DLGAP2: variants seen among roughly 807,000 people sequenced by gnomAD.
DLGAP2 encodes the protein DLG associated protein 2, also known as disks large-associated protein 2.
Under a neutral mutation model 100.3 loss-of-function variants are expected in DLGAP2, and 26 were observed. That is an observed-to-expected ratio of 0.26 (90% CI 0.19 to 0.36). DLGAP2 has a LOEUF of 0.36. Ranked by LOEUF, DLGAP2 falls within the 10% of genes least tolerant of loss-of-function variation. DLGAP2 has a pLI of 1.00. For missense variants in DLGAP2, 1,858 were observed against 1,453.2 expected (o/e 1.28, Z -4.53); for synonymous variants, 886 against 630.1 (o/e 1.41, Z -6.08).
intron 3 of DLGAP2, among the ~76,000 whole-genome samples, chr8:1,317,655 T>A (rs1413311256): frequency 1.4e-5 from 2 of 140,102 alleles, no homozygotes; most frequent in African/African-American, 2.8e-5. Flanking sequence ...CGGCAGCGTT[T>A]AAAAATAGAG....
chr8:1,483,514 A>G (rs1799157740), intron 3 of DLGAP2, among the ~76,000 whole-genome samples: 1 of 139,704 alleles, frequency 7.2e-6, no homozygotes, highest in African/African-American at 3.1e-5. Context: ...AGGACAAGGG[A>G]AGGCTGAACT....
chr8:1,081,553 G>A (rs1803812123), intron 2 of DLGAP2, among the ~76,000 whole-genome samples: 1 of 152,148 alleles, frequency 6.6e-6, no homozygotes, highest in African/African-American at 2.4e-5. Flanking sequence ...GTTTCTCCAT[G>A]TTGGCCAGGC....
chr8:1,090,498 A>T (rs1563185870), intron 2 of DLGAP2, among the ~76,000 whole-genome samples: 1 of 152,232 alleles, frequency 6.6e-6, no homozygotes, highest in Non-Finnish European at 1.5e-5. Context: ...CAGCACAGGC[A>T]TGTGCACAGA....
At chr8:1,355,786 C>G (rs991581638) in intron 3 of DLGAP2, among the ~76,000 whole-genome samples, 2 of 152,150 alleles carry the variant, frequency 1.3e-5, no homozygotes, top group Non-Finnish European at 2.9e-5. Context: ...GGCTCCCTGT[C>G]TCCTCCCACA....
intron 6 of DLGAP2, among the ~76,000 whole-genome samples, chr8:1,614,124 C>T (rs369516862): frequency 1.2e-4 from 19 of 152,110 alleles, no homozygotes; most frequent in African/African-American, 4.3e-4. Flanking sequence ...ACTGAGCCCT[C>T]GTAGCCCAGG....
chr8:1,111,919 C>T (rs1190465238), intron 2 of DLGAP2, among the ~76,000 whole-genome samples: 1 of 152,108 alleles, frequency 6.6e-6, no homozygotes, highest in Non-Finnish European at 1.5e-5. Context: ...TGGATATATA[C>T]CCGCTAATAG....
intron 1 of DLGAP2, among the ~76,000 whole-genome samples, chr8:880,023 A>G (rs977110233): frequency 6.6e-6 from 1 of 152,174 alleles, no homozygotes; most frequent in Non-Finnish European, 1.5e-5. Flanking sequence ...TGTGTAAGAA[A>G]TGTAGAGGTC....
intron 3 of DLGAP2, among the ~76,000 whole-genome samples, chr8:1,414,238 G>T (rs1796815680): frequency 6.6e-6 from 1 of 152,228 alleles, no homozygotes; most frequent in African/African-American, 2.4e-5. Flanking sequence ...GGAATGGCAG[G>T]GGTGTTCTGT....
intron 3 of DLGAP2, among the ~76,000 whole-genome samples, chr8:1,487,920 C>G (rs1246615815): frequency 2.0e-5 from 3 of 152,224 alleles, no homozygotes; most frequent in Admixed American, 6.5e-5. Flanking sequence ...GCCACGTCCT[C>G]AGATTATCCC....
rs957671446 is a variant in DLGAP2, at chr8:1,681,664, A to G, written c.2704+3035A>G. On this transcript the variant is annotated intron_variant, in intron 12 of 14. Coordinates refer to ENST00000637795, the MANE Select transcript of DLGAP2 (RefSeq NM_001346810.2). ...GTCTCAAAAAAGAAAGAAAGAAAGA[A>G]TATCTAGACCAGTTCTCCCTGAACA... Among the ~76,000 whole-genome samples the G allele has an allele frequency of 7.9e-5, 12 of 152,266 alleles. No individual in the cohort carries two copies. The East Asian group carries it at 2.1e-3, about 27-fold the overall frequency.
intron 2 of DLGAP2, among the ~76,000 whole-genome samples, chr8:990,311 ACCCC>A (rs1360918519): frequency 2.8e-4 from 41 of 145,164 alleles, no homozygotes; most frequent in Middle Eastern, 3.7e-3. Context: ...AGTGGCCCAG[ACCCC>A]CTGCACCCCC....
At chr8:1,131,176 C>T (rs567877357) in intron 2 of DLGAP2, among the ~76,000 whole-genome samples, 3 of 152,168 alleles carry the variant, frequency 2.0e-5, no homozygotes, top group Admixed American at 6.5e-5. Flanking sequence ...CTTTCAGCTG[C>T]TTTTCCCAGG....
At chr8:773,993 A>G (rs1325814372) in intron 1 of DLGAP2, among the ~76,000 whole-genome samples, 1 of 152,138 alleles carries the variant, frequency 6.6e-6, no homozygotes, top group African/African-American at 2.4e-5. Context: ...ATTTCTCCAC[A>G]TCCTCTCCAG....
Position 1,360,829 on chromosome 8 carries a change from G to A in DLGAP2, c.106+101946G>A, listed in dbSNP as rs1801966832. On this transcript the variant is annotated intron_variant, in intron 3 of 14. Coordinates refer to ENST00000637795, the MANE Select transcript of DLGAP2 (RefSeq NM_001346810.2). ...GAGGAAACAGTCGCCCTGAGGCAGG[G>A]CGTGGGCCGTCTGCACACGACGGTG... Among the ~76,000 whole-genome samples the A allele has an allele frequency of 2.0e-5, 3 of 152,330 alleles. No individual in the cohort carries two copies. In the South Asian group the frequency reaches 6.2e-4, roughly 32 times the overall value.
chr8:1,158,836 G>C (rs959252698), intron 2 of DLGAP2, among the ~76,000 whole-genome samples: 2 of 152,138 alleles, frequency 1.3e-5, no homozygotes, highest in African/African-American at 4.8e-5. Flanking sequence ...TGGTCACTTT[G>C]GGGACCCCGT....
rs1437195612 is a variant in DLGAP2 at position 1,701,529 on chromosome 8, C to T, written c.*123C>T. The T allele has an allele frequency of 5.4e-6, 6 of 1,102,630 alleles. No individual in the cohort carries two copies. Among genetic ancestry groups the T allele is most frequent in the African/African-American group, 4.8e-5 (3 of 62,796 alleles). 68.3% of individuals were successfully genotyped at this position (1,102,630 alleles called of 1,614,324 possible). A position where few individuals can be genotyped will look rare whatever the true frequency, so the allele number is the denominator to read the frequency against. On this transcript the variant is annotated 3_prime_UTR_variant, in exon 15 of 15. Transcript: ENST00000637795. ...AACACGTCCTCGCTCCCGCGCTCCC[C>T]GCGCCCCGGACACAGCGGGACGCGG...
intron 2 of DLGAP2, among the ~76,000 whole-genome samples, chr8:1,151,619 G>T (rs1419598998): frequency 6.6e-6 from 1 of 152,188 alleles, no homozygotes; most frequent in Non-Finnish European, 1.5e-5. Context: ...TGAGTGCACT[G>T]GCTTTAGGTA....
intron 1 of DLGAP2, among the ~76,000 whole-genome samples, chr8:876,939 C>T (rs1585962562): frequency 6.6e-6 from 1 of 151,048 alleles, no homozygotes; most frequent in Non-Finnish European, 1.5e-5. Flanking sequence ...GTTTTTATTT[C>T]AGTTATTTTA....
intron 2 of DLGAP2, among the ~76,000 whole-genome samples, chr8:1,075,341 G>A (rs191203300): frequency 2.0e-5 from 3 of 152,134 alleles, no homozygotes; most frequent in African/African-American, 7.2e-5. Context: ...CGTGCATTGT[G>A]GGGTGCTGGA....
Sources: gnomAD v4.1 joint callset for allele counts (sites outside exome capture counted in the v4.1 genomes callset) on GRCh38, gnomAD v4.1.1 for gene constraint, MANE v1.5 for transcripts, NCBI Gene and HGNC (gene_info 2026-07-23, HGNC 2026-07-21) for gene names.